The following STARD13 variants were observed in gnomAD, a reference collection of about 807,000 sequenced individuals.
STARD13 encodes stAR-related lipid transfer protein 13.
Under a neutral mutation model 106.4 loss-of-function variants are expected in STARD13, and 62 were observed. The ratio of observed to expected loss-of-function variants is 0.58; its 90% CI spans 0.48 to 0.72. STARD13 has a LOEUF of 0.72. Among genes scored for constraint, STARD13 ranks in the 30% least tolerant of loss-of-function variants. The pLI, the probability that STARD13 is intolerant of heterozygous loss-of-function variation, is 0.00. For synonymous variants in STARD13, 565 were observed against 553.0 expected (o/e 1.02, Z -0.31); for missense variants, 1,387 against 1,424.0 (o/e 0.97, Z 0.42).
the STARD13 span, among the ~76,000 whole-genome samples, chr13:33,627,753 C>G: frequency 6.6e-6 from 1 of 152,160 alleles, no homozygotes; most frequent in African/African-American, 2.4e-5. Flanking sequence ...AATGTGAGCA[C>G]CCAAGCCTGC....
At chr13:33,169,218 TC>T (rs1209173520) in intron 1 of STARD13, among the ~76,000 whole-genome samples, 2 of 152,210 alleles carry the variant, frequency 1.3e-5, no homozygotes, top group African/African-American at 4.8e-5. Flanking sequence ...CAACTGCTGT[TC>T]AAAACACAGC....
At chr13:33,146,444 A>G (rs1880554374) in intron 3 of STARD13, among the ~76,000 whole-genome samples, 1 of 152,214 alleles carries the variant, frequency 6.6e-6, no homozygotes, top group Non-Finnish European at 1.5e-5. Context: ...AGACCACGCC[A>G]CTGCACTCCA....
chr13:33,616,619 TG>T, the STARD13 span, among the ~76,000 whole-genome samples: 5 of 152,192 alleles, frequency 3.3e-5, no homozygotes, highest in Non-Finnish European at 4.4e-5. Flanking sequence ...CTTAGGCACT[TG>T]GGTATTTGTT....
At chr13:33,483,141 A>G in the STARD13 span, among the ~76,000 whole-genome samples, 1 of 152,246 alleles carries the variant, frequency 6.6e-6, no homozygotes, top group East Asian at 1.9e-4. Context: ...TGGAGGGCAC[A>G]TAATCAACAA....
intron 3 of STARD13, chr13:33,155,602 T>C (rs1881855317): frequency 6.6e-6 from 1 of 152,164 alleles, no homozygotes; most frequent in African/African-American, 2.4e-5. Flanking sequence ...ATAAAAGTCA[T>C]CCTGAGTACC....
At chr13:33,549,159 G>A in the STARD13 span, among the ~76,000 whole-genome samples, 5 of 152,152 alleles carry the variant, frequency 3.3e-5, no homozygotes, top group Non-Finnish European at 7.4e-5. Context: ...CTTGATTTGT[G>A]CTTTGGAGAA....
At chr13:33,631,980 A>T in the STARD13 span, among the ~76,000 whole-genome samples, 1 of 152,212 alleles carries the variant, frequency 6.6e-6, no homozygotes, top group Non-Finnish European at 1.5e-5. Flanking sequence ...TTATCAGGTA[A>T]TGGTCACAAT....
chr13:33,447,473 T>C, the STARD13 span, among the ~76,000 whole-genome samples: 1 of 152,162 alleles, frequency 6.6e-6, no homozygotes, highest in East Asian at 1.9e-4. Flanking sequence ...TCCCTTTAGA[T>C]CCTTTGCTGA....
rs1881187155 is a variant in STARD13, at chr13:33,150,919, G to A, written c.324-8546C>T. Among the ~76,000 whole-genome samples, 3 of 152,172 alleles carry A rather than the reference G, an allele frequency of 2.0e-5. No individual in the cohort carries two copies. The South Asian group carries it at 6.2e-4, about 32-fold the overall frequency. ...TCATCCGACAGTGCGCTGTGTACCA[G>A]GAATAAGTTAGGTGCTGGGAATACA... On this transcript the variant is annotated intron_variant, in intron 3 of 13. Coordinates refer to ENST00000336934, the MANE Select transcript of STARD13 (RefSeq NM_178006.4).
the STARD13 span, among the ~76,000 whole-genome samples, chr13:33,621,013 A>G: frequency 0.014 from 2,133 of 151,962 alleles, 49 homozygotes; most frequent in African/African-American, 0.046. Context: ...AAAAGTTATA[A>G]TATTAAATGT....
intron 4 of STARD13, among the ~76,000 whole-genome samples, chr13:33,132,874 T>C (rs1878514501): frequency 1.3e-5 from 2 of 152,238 alleles, no homozygotes; most frequent in South Asian, 2.1e-4. Context: ...ACTAGTACTT[T>C]CTACTCCCTC....
At chr13:33,609,730 C>T in the STARD13 span, among the ~76,000 whole-genome samples, 1 of 152,086 alleles carries the variant, frequency 6.6e-6, no homozygotes, top group Non-Finnish European at 1.5e-5. Context: ...CCACGCCCGG[C>T]TAATTTTTTG....
intron 1 of STARD13, among the ~76,000 whole-genome samples, chr13:33,282,985 A>T (rs938313784): frequency 6.6e-6 from 1 of 152,170 alleles, no homozygotes; most frequent in Non-Finnish European, 1.5e-5. Flanking sequence ...AACTATGATC[A>T]CACCACTGCA....
chr13:33,421,493 T>G, the STARD13 span, among the ~76,000 whole-genome samples: 1 of 152,182 alleles, frequency 6.6e-6, no homozygotes, highest in South Asian at 2.1e-4. Context: ...CCAGATGGAT[T>G]CACAGCCGAA....
the STARD13 span, among the ~76,000 whole-genome samples, chr13:33,474,993 G>A: frequency 9.9e-5 from 15 of 151,998 alleles, no homozygotes; most frequent in Non-Finnish European, 1.5e-4. Flanking sequence ...GAAATCTAGA[G>A]AAACTGTTAA....
chr13:33,443,888 C>CAAAAAAAAAAAAAA, the STARD13 span, among the ~76,000 whole-genome samples: 1 of 50,186 alleles, frequency 2.0e-5, no homozygotes, highest in Non-Finnish European at 4.5e-5. Flanking sequence ...GACTCAGTCT[C>CAAAAAAAAAAAAAA]AAAAAAAAAA....
rs554429371 is a variant in STARD13 at position 33,297,299 on chromosome 13, A to G, written c.124+52991T>C. Among the ~76,000 whole-genome samples, 7 of 152,340 alleles carry G rather than the reference A, an allele frequency of 4.6e-5. No individual in the cohort carries two copies. In the East Asian group the frequency reaches 1.4e-3, roughly 29 times the overall value. On this transcript the variant is annotated intron_variant, in intron 1 of 5. Transcript: ENST00000567873. ...TTAGTGGCTCCGCCAAAATGACTCA[A>G]CACTAATCAATCACAAGAGAATATT...
At chr13:33,217,535 C>T (rs1161117202) in intron 1 of STARD13, among the ~76,000 whole-genome samples, 2 of 152,198 alleles carry the variant, frequency 1.3e-5, no homozygotes, top group Non-Finnish European at 2.9e-5. Flanking sequence ...TGCAAGCACA[C>T]AGGGGAAGGG....
intron 8 of STARD13, among the ~76,000 whole-genome samples, chr13:33,117,352 C>T (rs1875537233): frequency 2.0e-5 from 3 of 152,182 alleles, no homozygotes; most frequent in Admixed American, 2.0e-4. Context: ...CTCAGACAAT[C>T]CAACCACCTC....
Sources: allele counts gnomAD v4.1 joint callset (sites outside exome capture counted in the v4.1 genomes callset), GRCh38; gene constraint gnomAD v4.1.1; transcripts MANE v1.5; gene names NCBI Gene and HGNC (gene_info 2026-07-23, HGNC 2026-07-21).